DYM: variants seen among roughly 807,000 people sequenced by gnomAD.
DYM encodes the protein dymeclin, also known as dyggve-Melchior-Clausen syndrome protein.
In DYM, 78 loss-of-function variants were observed where a neutral mutation model predicts 93.1. The ratio of observed to expected loss-of-function variants is 0.84; its 90% CI spans 0.70 to 1.01. The LOEUF (loss-of-function observed/expected upper bound fraction) is 1.01, where lower values mean the gene tolerates loss of function less well. Among genes scored for constraint, DYM ranks in the 50% least tolerant of loss-of-function variants. The pLI, the probability that DYM is intolerant of heterozygous loss-of-function variation, is 0.00. For missense variants in DYM, 789 were observed against 845.0 expected (o/e 0.93, Z 0.82); for synonymous variants, 321 against 319.7 (o/e 1.00, Z -0.04).
intron 11 of DYM, among the ~76,000 whole-genome samples, chr18:49,258,825 GACACACACACACAC>G (rs1555664092): frequency 8.0e-6 from 1 of 125,058 alleles, no homozygotes; most frequent in African/African-American, 3.3e-5. Context: ...CACACACAGA[GACACACACACACAC>G]AGAGAGAGAG....
intron 17 of DYM, chr18:49,048,155 G>A (rs528916498): frequency 1.3e-5 from 2 of 152,184 alleles, no homozygotes; most frequent in East Asian, 3.9e-4. Flanking sequence ...TGGGTGTGAG[G>A]TACAGAGCTC....
chr18:49,044,021 G>C lies in DYM; in HGVS notation c.*34C>G. 6.2e-7 allele frequency: 1 copy of C among 1,611,884 alleles called. No individual in the cohort carries two copies. The highest frequency in any genetic ancestry group is 1.1e-5 in the South Asian group (1 of 90,948). On this transcript the variant is annotated 3_prime_UTR_variant, in exon 18 of 18. Transcript: ENST00000675505. ...ATAAAAGAACTTGAAGGGCTGCTTG[G>C]CTGGAGGGGTCCGGGTGGGAGAGCA...
intron 17 of DYM, among the ~76,000 whole-genome samples, chr18:49,081,252 G>A (rs1468093036): frequency 2.0e-5 from 3 of 150,974 alleles, no homozygotes; most frequent in African/African-American, 7.3e-5. Flanking sequence ...CTGCAATCCC[G>A]GCACCTCGGG....
chr18:49,278,389 T>C (rs965826502), intron 10 of DYM, among the ~76,000 whole-genome samples: 1 of 152,152 alleles, frequency 6.6e-6, no homozygotes, highest in African/African-American at 2.4e-5. Flanking sequence ...CGAATCTCTG[T>C]TGGACTAATA....
At chr18:49,429,352 G>A (rs1600186075) in intron 2 of DYM, among the ~76,000 whole-genome samples, 2 of 152,166 alleles carry the variant, frequency 1.3e-5, no homozygotes, top group African/African-American at 4.8e-5. Flanking sequence ...CAAGGACATG[G>A]ACATCTTTGG....
chr18:49,364,539 C>T (rs2066333206), intron 5 of DYM, among the ~76,000 whole-genome samples: 1 of 152,136 alleles, frequency 6.6e-6, no homozygotes, highest in Non-Finnish European at 1.5e-5. Flanking sequence ...TACTCCTCTG[C>T]AATCCAAACT....
intron 15 of DYM, among the ~76,000 whole-genome samples, chr18:49,128,349 A>G (rs1469176209): frequency 6.6e-6 from 1 of 152,228 alleles, no homozygotes. Context: ...TACCTTAAGT[A>G]TTAGTGTTCA....
At chr18:49,080,489 C>T (rs2077816377) in intron 17 of DYM, among the ~76,000 whole-genome samples, 7 of 142,230 alleles carry the variant, frequency 4.9e-5, no homozygotes, top group African/African-American at 1.0e-4. Context: ...ACCTCCCGGA[C>T]GGGGCGGCTG....
intron 8 of DYM, among the ~76,000 whole-genome samples, chr18:49,314,627 T>C (rs1568229971): frequency 1.3e-5 from 2 of 152,380 alleles, no homozygotes; most frequent in East Asian, 3.9e-4. Flanking sequence ...GTAACATTCA[T>C]TTCCAGTTTG....
chr18:49,174,458 T>C (rs1203285727), intron 14 of DYM, among the ~76,000 whole-genome samples: 4 of 152,286 alleles, frequency 2.6e-5, no homozygotes, highest in Non-Finnish European at 5.9e-5. Flanking sequence ...AATCCGAGTC[T>C]AGACCATGGA....
chr18:49,068,315 A>G (rs1311337926), intron 17 of DYM, among the ~76,000 whole-genome samples: 2 of 152,220 alleles, frequency 1.3e-5, no homozygotes, highest in Non-Finnish European at 2.9e-5. Context: ...GGTTGAAAAG[A>G]GGGTTTCTCA....
chr18:49,052,281 C>T (rs900856874), intron 17 of DYM, among the ~76,000 whole-genome samples: 2 of 152,098 alleles, frequency 1.3e-5, no homozygotes, highest in African/African-American at 4.8e-5. Flanking sequence ...TTAATTTGAC[C>T]CCCTCTCCGA....
At chr18:49,305,472 T>C (rs997128461) in intron 8 of DYM, among the ~76,000 whole-genome samples, 13 of 152,188 alleles carry the variant, frequency 8.5e-5, no homozygotes, top group Non-Finnish European at 1.8e-4. Context: ...CTCTTACCTC[T>C]TTGTAACTGA....
chr18:49,065,169 G>C (rs1332597355), intron 17 of DYM, among the ~76,000 whole-genome samples: 2 of 152,064 alleles, frequency 1.3e-5, no homozygotes, highest in Non-Finnish European at 2.9e-5. Context: ...GGGCTTCTTT[G>C]CACTGCACGT....
intron 15 of DYM, among the ~76,000 whole-genome samples, chr18:49,133,645 C>T (rs1444816926): frequency 6.6e-6 from 1 of 152,208 alleles, no homozygotes; most frequent in East Asian, 1.9e-4. Context: ...TTGCCTCCTT[C>T]ATCTTCAAAC....
chr18:49,194,827 T>C (rs747452554), intron 14 of DYM, among the ~76,000 whole-genome samples: 80 of 152,220 alleles, frequency 5.3e-4, no homozygotes, highest in Non-Finnish European at 5.3e-4. Flanking sequence ...AAAAGTTAAA[T>C]GGTATTTTTA....
chr18:49,407,909 C>T (rs2071705870), intron 2 of DYM, among the ~76,000 whole-genome samples: 1 of 152,020 alleles, frequency 6.6e-6, no homozygotes, highest in African/African-American at 2.4e-5. Flanking sequence ...ACCTCTAATC[C>T]ATTTAAATTA....
rs369656648 is a variant in DYM, at chr18:49,426,893, T to C, written c.140+3362A>G. Among the ~76,000 whole-genome samples, 73 of 151,936 alleles carry C rather than the reference T, an allele frequency of 4.8e-4. 1 individual carries two copies. The South Asian group carries it at 0.013, about 28-fold the overall frequency. On this transcript the variant is annotated intron_variant, in intron 2 of 17. Coordinates refer to ENST00000675505, the MANE Select transcript of DYM (RefSeq NM_001353214.3). ...GATTACACCAACCCCTTCCTGAAAA[T>C]TGGTAAAGAAAAAAACTGAAGTGCT... is the stretch of plus-strand genomic sequence containing the variant.
intron 15 of DYM, among the ~76,000 whole-genome samples, chr18:49,130,555 T>C (rs2083289846): frequency 9.1e-6 from 1 of 110,292 alleles, no homozygotes; most frequent in Non-Finnish European, 1.9e-5. Flanking sequence ...AGCCCCTTTC[T>C]CCTACTTTAC....
Sources: allele counts gnomAD v4.1 joint callset (sites outside exome capture counted in the v4.1 genomes callset), GRCh38; gene constraint gnomAD v4.1.1; transcripts MANE v1.5; gene names NCBI Gene and HGNC (gene_info 2026-07-23, HGNC 2026-07-21).